Variants in EDC3 observed in about 807,000 individuals in gnomAD.
The protein encoded by EDC3 is enhancer of mRNA-decapping protein 3.
Under a neutral mutation model 41.8 loss-of-function variants are expected in EDC3, and 20 were observed. The ratio of observed to expected loss-of-function variants is 0.48; its 90% CI spans 0.34 to 0.70. The LOEUF is 0.70. Among genes scored for constraint, EDC3 ranks in the 30% least tolerant of loss-of-function variants. The probability of loss-of-function intolerance (pLI) is 0.01; values close to 1 mark genes in which losing one functional copy is unlikely to be tolerated. For missense variants in EDC3, 444 were observed against 636.8 expected (o/e 0.70, Z 3.26); for synonymous variants, 206 against 243.2 (o/e 0.85, Z 1.42).
intron 5 of EDC3, chr15:74,639,367 T>C (rs1415720633): frequency 6.6e-6 from 1 of 152,264 alleles, no homozygotes; most frequent in Non-Finnish European, 1.5e-5. Context: ...CCATGTGCCA[T>C]GGTCTCTCGA....
At chr15:74,635,966 T>TCTACA in intron 5 of EDC3, 3 of 295,480 alleles carry the variant, frequency 1.0e-5, no homozygotes, top group South Asian at 8.7e-5. Context: ...CCCCAACGTG[T>TCTACA]CTGCTTCACT....
At position 74,632,452 on chromosome 15, in the gene EDC3, G is replaced by T; in HGVS notation, c.*160C>A. The T allele has an allele frequency of 1.1e-6, 1 of 879,420 alleles. No homozygotes were observed. The highest frequency in any genetic ancestry group is 1.7e-6 in the Non-Finnish European group (1 of 590,244). 54.5% of individuals were successfully genotyped at this position (879,420 alleles called of 1,614,324 possible). ...GTGGGAAAGACTTCCCTGGCTAAGAGCAAGTGACAGGTCAGTTTTAAGTAA... is the reference window on the plus strand; with the variant it reads ...GTGGGAAAGACTTCCCTGGCTAAGATCAAGTGACAGGTCAGTTTTAAGTAA... On this transcript the variant is annotated 3_prime_UTR_variant, in exon 7 of 7. Coordinates refer to ENST00000315127, the MANE Select transcript of EDC3 (RefSeq NM_025083.5). The surrounding 1 kb of genome is among the most constrained non-coding windows in gnomAD (Gnocchi z 4.0).
intron 3 of EDC3, among the ~76,000 whole-genome samples, chr15:74,658,474 C>T (rs1480400918): frequency 6.6e-6 from 1 of 151,944 alleles, no homozygotes; most frequent in Non-Finnish European, 1.5e-5. Context: ...GAGTTTCTAG[C>T]ATTAACAAAT....
At chr15:74,654,528 G>A (rs1401810705) in intron 4 of EDC3, among the ~76,000 whole-genome samples, 1 of 152,196 alleles carries the variant, frequency 6.6e-6, no homozygotes, top group African/African-American at 2.4e-5. Context: ...TAGGCTGTTT[G>A]CCTTTACACA....
At position 74,675,155 on chromosome 15, in the gene EDC3, G is replaced by C. The variant is rs1245272054; in HGVS notation, c.-18-13C>G. On this transcript the variant is annotated splice_polypyrimidine_tract_variant and intron_variant, in intron 1 of 6. Transcript: ENST00000315127. ...ACACGTGAGACCACTGTGAAGAGAA[G>C]GAACTATTCAGTGTGCCTTGGTGAA... is the stretch of plus-strand genomic sequence containing the variant. 1 of 1,608,542 alleles carries C rather than the reference G, an allele frequency of 6.2e-7. No homozygotes were observed. Among genetic ancestry groups the C allele is most frequent in the Non-Finnish European group, 8.5e-7 (1 of 1,178,246 alleles).
intron 6 of EDC3, among the ~76,000 whole-genome samples, chr15:74,633,888 C>T (rs1413023023): frequency 2.0e-5 from 3 of 152,134 alleles, no homozygotes; most frequent in Admixed American, 6.5e-5. Flanking sequence ...AATGTGCCAC[C>T]GGGGGGAGTC....
intron 1 of EDC3, among the ~76,000 whole-genome samples, chr15:74,689,964 A>G (rs2062986678): frequency 6.6e-6 from 1 of 152,206 alleles, no homozygotes; most frequent in South Asian, 2.1e-4. Flanking sequence ...TTACTAGTGT[A>G]AGTTTGCTGA....
chr15:74,634,193 C>A (rs1217956747), intron 6 of EDC3, among the ~76,000 whole-genome samples: 1 of 152,212 alleles, frequency 6.6e-6, no homozygotes, highest in Non-Finnish European at 1.5e-5. Flanking sequence ...GTGGTCGATT[C>A]TGTCTTCCTT....
rs555681942 is a variant in EDC3 at position 74,631,127 on chromosome 15, G to C, written c.*1485C>G. ...TTTAAGACTGAAGGGAAGATGAGAGGAGGGGCCAGCCCTCTACCCTGGCTC... is the reference window on the plus strand; with the variant it reads ...TTTAAGACTGAAGGGAAGATGAGAGCAGGGGCCAGCCCTCTACCCTGGCTC... On this transcript the variant is annotated 3_prime_UTR_variant, in exon 7 of 7. Coordinates refer to ENST00000315127, the MANE Select transcript of EDC3 (RefSeq NM_025083.5). 12 of 152,404 alleles carry C rather than the reference G, an allele frequency of 7.9e-5. No individual in the cohort carries two copies. Among genetic ancestry groups the C allele is most frequent in the African/African-American group, 2.6e-4 (11 of 41,574 alleles). 9.4% of individuals were successfully genotyped at this position (152,404 alleles called of 1,614,324 possible). A position where few individuals can be genotyped will look rare whatever the true frequency, so the allele number is the denominator to read the frequency against.
At position 74,655,850 on chromosome 15, in the gene EDC3, C is replaced by T; in HGVS notation, c.703G>A (p.Gly235Ser). Residue 235 changes from glycine (G) to serine (S), a missense_variant, in exon 4 of 7, where the codon GGC (glycine) becomes AGC (serine). Transcript: ENST00000315127. ...CGAGTGGGCCTTTCATTTGGGATGC[C>T]CCGGGAACGGGTACCACTTCTCCTT... ...YERRSGTRSRGIPNERPTRYR... is the reference protein window; with the variant it reads ...YERRSGTRSRSIPNERPTRYR... 2 of 1,614,042 alleles carry T rather than the reference C, an allele frequency of 1.2e-6. No individual in the cohort carries two copies. Among genetic ancestry groups the T allele is most frequent in the Non-Finnish European group, 1.7e-6 (2 of 1,180,030 alleles).
At chr15:74,654,268 A>C (rs2062516913) in intron 4 of EDC3, among the ~76,000 whole-genome samples, 1 of 152,072 alleles carries the variant, frequency 6.6e-6, no homozygotes, top group South Asian at 2.1e-4. Context: ...AAAAAAAAAA[A>C]AAATCCTGCA....
intron 2 of EDC3, among the ~76,000 whole-genome samples, chr15:74,673,150 A>G (rs1266520253): frequency 2.6e-5 from 4 of 152,108 alleles, no homozygotes; most frequent in African/African-American, 9.7e-5. Context: ...CATGATCACA[A>G]TGGATTTTCC....
intron 4 of EDC3, among the ~76,000 whole-genome samples, chr15:74,649,860 A>AGG (rs58059458): frequency 9.6e-5 from 13 of 134,786 alleles, no homozygotes; most frequent in East Asian, 2.2e-4. Context: ...AGGGAAAAAA[A>AGG]GGGGGGGGGG....
intron 3 of EDC3, among the ~76,000 whole-genome samples, chr15:74,669,590 CCT>C (rs1453343185): frequency 6.6e-6 from 1 of 152,052 alleles, no homozygotes; most frequent in Non-Finnish European, 1.5e-5. Flanking sequence ...AATGTTGGCC[CCT>C]GACACAGGTG....
At chr15:74,687,526 C>A (rs755053510) in intron 1 of EDC3, among the ~76,000 whole-genome samples, 50 of 152,180 alleles carry the variant, frequency 3.3e-4, no homozygotes, top group Non-Finnish European at 5.6e-4. Context: ...TACAGGCGCC[C>A]GCCACCACAC....
intron 3 of EDC3, among the ~76,000 whole-genome samples, chr15:74,668,023 T>C (rs2062696684): frequency 6.6e-6 from 1 of 152,190 alleles, no homozygotes; most frequent in Non-Finnish European, 1.5e-5. Context: ...TGATAATATA[T>C]ACACTTGACA....
intron 4 of EDC3, among the ~76,000 whole-genome samples, chr15:74,646,044 T>G (rs1567158864): frequency 1.3e-5 from 2 of 150,876 alleles, no homozygotes; most frequent in South Asian, 2.1e-4. Flanking sequence ...TCCCAGTCTT[T>G]TTGTTGTTGT....
At chr15:74,667,924 GAAGA>G (rs1244920450) in intron 3 of EDC3, among the ~76,000 whole-genome samples, 1 of 152,124 alleles carries the variant, frequency 6.6e-6, no homozygotes, top group Non-Finnish European at 1.5e-5. Flanking sequence ...ATGTAAAGGG[GAAGA>G]AAGAGTCACT....
intron 4 of EDC3, among the ~76,000 whole-genome samples, chr15:74,649,257 G>A (rs911917177): frequency 6.6e-6 from 1 of 151,622 alleles, no homozygotes; most frequent in Non-Finnish European, 1.5e-5. Flanking sequence ...TTTTAGTAGA[G>A]ACGGGGTTTC....
Sources: gnomAD v4.1 joint callset for allele counts (sites outside exome capture counted in the v4.1 genomes callset) on GRCh38, gnomAD v4.1.1 for gene constraint, Gnocchi (gnomAD v3.1) non-coding constraint, MANE v1.5 for transcripts, NCBI Gene and HGNC (gene_info 2026-07-23, HGNC 2026-07-21) for gene names.